Variants in LOC128125817 observed in about 807,000 individuals in gnomAD.
the LOC128125817 span, among the ~76,000 whole-genome samples, chr1:41,617,289 A>G: frequency 1.3e-5 from 2 of 152,220 alleles, no homozygotes; most frequent in African/African-American, 4.8e-5. Context: ...AAGTGGAAAC[A>G]TGGATCAATG....
chr1:41,615,765 G>C, the LOC128125817 span, among the ~76,000 whole-genome samples: 1 of 148,806 alleles, frequency 6.7e-6, no homozygotes, highest in African/African-American at 2.5e-5. Context: ...ACAGGAGAAA[G>C]GGACCCACAT....
At chr1:41,589,942 G>C in the LOC128125817 span, among the ~76,000 whole-genome samples, 1 of 152,202 alleles carries the variant, frequency 6.6e-6, no homozygotes, top group Non-Finnish European at 1.5e-5. Context: ...TGGGAACCCA[G>C]GGCACAAGGC....
At chr1:41,599,920 G>A in the LOC128125817 span, among the ~76,000 whole-genome samples, 18 of 152,022 alleles carry the variant, frequency 1.2e-4, no homozygotes, top group Non-Finnish European at 2.4e-4. Flanking sequence ...TTGAAGAGAC[G>A]TTTCTCCAAA....
At chr1:41,628,709 C>A in the LOC128125817 span, 1 of 1,210,830 alleles carries the variant, frequency 8.3e-7, no homozygotes, top group Non-Finnish European at 1.0e-6. Flanking sequence ...ACCAACATGG[C>A]GCCTGGCAAG....
the LOC128125817 span, among the ~76,000 whole-genome samples, chr1:41,618,375 T>C: frequency 4.4e-4 from 67 of 152,296 alleles, no homozygotes; most frequent in Admixed American, 3.9e-3. Context: ...ATGCTGAAAA[T>C]TGAGGGCCTC....
chr1:41,586,591 C>T, the LOC128125817 span, among the ~76,000 whole-genome samples: 7,603 of 152,318 alleles, frequency 0.05, 260 homozygotes, highest in African/African-American at 0.096. Flanking sequence ...CCCTCATGCT[C>T]ACACTCTTCG....
the LOC128125817 span, among the ~76,000 whole-genome samples, chr1:41,588,410 C>A: frequency 7.8e-4 from 119 of 152,212 alleles, no homozygotes; most frequent in African/African-American, 2.7e-3. Context: ...GCTGGCCAGG[C>A]AGGACTCTAC....
At chr1:41,615,423 G>A in the LOC128125817 span, among the ~76,000 whole-genome samples, 1 of 152,226 alleles carries the variant, frequency 6.6e-6, no homozygotes, top group Non-Finnish European at 1.5e-5. Context: ...CACCACGCAA[G>A]CTTAGAGCTA....
the LOC128125817 span, among the ~76,000 whole-genome samples, chr1:41,614,949 C>T: frequency 6.6e-5 from 10 of 152,164 alleles, no homozygotes; most frequent in Admixed American, 5.9e-4. Context: ...CCAATACTTC[C>T]GGGGCTCTGA....
chr1:41,604,339 G>A, the LOC128125817 span, among the ~76,000 whole-genome samples: 16 of 152,260 alleles, frequency 1.1e-4, no homozygotes, highest in Admixed American at 1.0e-3. Flanking sequence ...ATTATACATA[G>A]TAATAAAAAA....
the LOC128125817 span, among the ~76,000 whole-genome samples, chr1:41,602,746 A>G: frequency 2.0e-5 from 3 of 151,896 alleles, no homozygotes; most frequent in Non-Finnish European, 4.4e-5. Context: ...TAATCCTTAT[A>G]TCTTTCCTTC....
chr1:41,627,908 C>T, the LOC128125817 span, among the ~76,000 whole-genome samples: 38 of 150,522 alleles, frequency 2.5e-4, no homozygotes, highest in African/African-American at 8.3e-4. Context: ...TCCTTCCTTC[C>T]TTTGTCATAC....
At chr1:41,605,383 A>G in the LOC128125817 span, among the ~76,000 whole-genome samples, 4 of 151,580 alleles carry the variant, frequency 2.6e-5, no homozygotes, top group African/African-American at 7.3e-5. Context: ...GCGCACACAC[A>G]CACACACACA....
chr1:41,585,475 G>A, the LOC128125817 span, among the ~76,000 whole-genome samples: 1 of 152,054 alleles, frequency 6.6e-6, no homozygotes, highest in Non-Finnish European at 1.5e-5. Flanking sequence ...AGAACCACAG[G>A]CTCCGGCTCC....
chr1:41,599,073 T>A, the LOC128125817 span, among the ~76,000 whole-genome samples: 1 of 152,152 alleles, frequency 6.6e-6, no homozygotes, highest in Non-Finnish European at 1.5e-5. Context: ...CACCTTGGCC[T>A]CCCAAAGTGT....
the LOC128125817 span, among the ~76,000 whole-genome samples, chr1:41,623,248 G>A: frequency 4.0e-4 from 61 of 152,308 alleles, no homozygotes; most frequent in African/African-American, 1.3e-3. Flanking sequence ...GAAGCGACAC[G>A]AGAAACCACG....
chr1:41,587,048 C>A, the LOC128125817 span, among the ~76,000 whole-genome samples: 1 of 151,946 alleles, frequency 6.6e-6, no homozygotes, highest in Admixed American at 6.6e-5. Context: ...TCCTGGCAGC[C>A]AAGGAGAAAA....
the LOC128125817 span, among the ~76,000 whole-genome samples, chr1:41,622,173 C>T: frequency 6.6e-6 from 1 of 152,118 alleles, no homozygotes; most frequent in Non-Finnish European, 1.5e-5. Context: ...AGAGGAAGGC[C>T]GAATCCCTGC....
the LOC128125817 span, among the ~76,000 whole-genome samples, chr1:41,586,216 G>A: frequency 6.6e-6 from 1 of 152,176 alleles, no homozygotes; most frequent in Admixed American, 6.5e-5. Flanking sequence ...CCAAGTGTGT[G>A]CCTCCTCCTA....
Sources: gnomAD v4.1 joint callset for allele counts (sites outside exome capture counted in the v4.1 genomes callset) on GRCh38, gnomAD v4.1.1 for gene constraint, MANE v1.5 for transcripts.